The following CHSY3 variants were observed in gnomAD, a reference collection of about 807,000 sequenced individuals.
CHSY3 encodes chondroitin sulfate synthase 3.
CHSY3 carries 35 observed loss-of-function variants against 67.2 expected under a neutral mutation model. The observed-to-expected ratio is 0.52, with a 90% CI of 0.40 to 0.69. CHSY3 has a LOEUF of 0.69. Ranked by LOEUF, CHSY3 falls within the 30% of genes least tolerant of loss-of-function variation. CHSY3 has a pLI of 0.00. For missense variants in CHSY3, 1,069 were observed against 1,138.5 expected (o/e 0.94, Z 0.88); for synonymous variants, 474 against 434.7 (o/e 1.09, Z -1.12).
chr5:129,930,202 T>A (rs994754070), intron 2 of CHSY3, among the ~76,000 whole-genome samples: 1 of 151,716 alleles, frequency 6.6e-6, no homozygotes, highest in Non-Finnish European at 1.5e-5. Flanking sequence ...ACATGGTGGC[T>A]CATGCCTGTA....
intron 2 of CHSY3, among the ~76,000 whole-genome samples, chr5:130,083,363 T>C (rs1249619936): frequency 2.0e-5 from 3 of 152,036 alleles, no homozygotes; most frequent in Non-Finnish European, 4.4e-5. Flanking sequence ...CACTGGATCC[T>C]CTTCTGTTAC....
intron 2 of CHSY3, among the ~76,000 whole-genome samples, chr5:130,003,522 A>C (rs1026529591): frequency 1.2e-4 from 18 of 152,204 alleles, no homozygotes; most frequent in Non-Finnish European, 1.5e-4. Context: ...TCCCAAGCAC[A>C]ATTGTAATTG....
At chr5:130,146,034 A>G (rs752268712) in intron 2 of CHSY3, among the ~76,000 whole-genome samples, 2 of 152,216 alleles carry the variant, frequency 1.3e-5, no homozygotes, top group Non-Finnish European at 2.9e-5. Context: ...TATGGATAAC[A>G]GTATGGAGAT....
intron 2 of CHSY3, among the ~76,000 whole-genome samples, chr5:129,982,355 A>G (rs1052227895): frequency 2.0e-5 from 3 of 152,074 alleles, no homozygotes; most frequent in African/African-American, 4.8e-5. Flanking sequence ...GGTTTTCCTT[A>G]TAATTGCAAA....
intron 2 of CHSY3, among the ~76,000 whole-genome samples, chr5:129,976,639 T>A (rs967442368): frequency 7.9e-5 from 12 of 152,062 alleles, no homozygotes; most frequent in Non-Finnish European, 1.8e-4. Flanking sequence ...GACTTACATA[T>A]ACCTGAAAAG....
chr5:129,938,088 G>C (rs1180306527), intron 2 of CHSY3, among the ~76,000 whole-genome samples: 1 of 152,174 alleles, frequency 6.6e-6, no homozygotes, highest in Non-Finnish European at 1.5e-5. Context: ...CTTGCCCTCT[G>C]TGCACCCAGA....
chr5:130,185,176 G>A lies in CHSY3; in HGVS notation c.2034G>A (p.Gln678=). Residue 678 remains glutamine (Q), a synonymous_variant, in exon 3 of 3, where the codon CAG becomes CAA. Transcript: ENST00000305031. ...ATATTGAGCTGATAAAAGGGTACCAGAACAAGTACCCCAAAGCAGAAATGA... is the reference window on the plus strand; with the variant it reads ...ATATTGAGCTGATAAAAGGGTACCAAAACAAGTACCCCAAAGCAGAAATGA... The part of the protein sequence containing the change: ...SKHIELIKGY[Q]NKYPKAEMTL... 1 of 1,611,442 alleles carries A rather than the reference G, an allele frequency of 6.2e-7. No individual in the cohort carries two copies. The highest frequency in any genetic ancestry group is 8.5e-7 in the Non-Finnish European group (1 of 1,177,630).
At chr5:130,077,037 T>G (rs1489262932) in intron 2 of CHSY3, among the ~76,000 whole-genome samples, 2 of 151,390 alleles carry the variant, frequency 1.3e-5, no homozygotes, top group Non-Finnish European at 2.9e-5. Flanking sequence ...GCATGGCACA[T>G]GTATACATAT....
chr5:129,904,727 C>A lies in CHSY3; in HGVS notation c.-103C>A. Reference sequence around the variant, plus strand: ...CGGCGCCTAGGCGGCCGGCTGCGGCCGCGGCTGGGGGCGCAAAGGCGGAGG... The same window carrying A: ...CGGCGCCTAGGCGGCCGGCTGCGGCAGCGGCTGGGGGCGCAAAGGCGGAGG... On this transcript the variant is annotated 5_prime_UTR_variant, in exon 1 of 3. Coordinates refer to ENST00000305031, the MANE Select transcript of CHSY3 (RefSeq NM_175856.5). 8.1e-7 allele frequency: 1 copy of A among 1,227,904 alleles called. No individual in the cohort carries two copies. Among genetic ancestry groups the A allele is most frequent in the Non-Finnish European group, 1.0e-6 (1 of 985,888 alleles). 76.1% of individuals were successfully genotyped at this position (1,227,904 alleles called of 1,614,324 possible). A position where few individuals can be genotyped will look rare whatever the true frequency, so the allele number is the denominator to read the frequency against.
At chr5:129,986,531 T>C (rs556421595) in intron 2 of CHSY3, among the ~76,000 whole-genome samples, 26 of 152,300 alleles carry the variant, frequency 1.7e-4, no homozygotes, top group African/African-American at 6.0e-4. Flanking sequence ...AGAATGATGC[T>C]GGCCACATAG....
intron 2 of CHSY3, among the ~76,000 whole-genome samples, chr5:130,084,964 A>G (rs1005582491): frequency 2.0e-5 from 3 of 152,030 alleles, no homozygotes; most frequent in Non-Finnish European, 4.4e-5. Context: ...TCACACTTAC[A>G]GAGTCTGTTC....
chr5:129,989,521 T>G (rs1335643266), intron 2 of CHSY3, among the ~76,000 whole-genome samples: 1 of 152,126 alleles, frequency 6.6e-6, no homozygotes, highest in Non-Finnish European at 1.5e-5. Context: ...ACCCAGGCCT[T>G]AACACCTCCC....
In CHSY3 at chr5:129,905,064, G is replaced by T; in HGVS notation, c.235G>T (p.Ala79Ser). The T allele has an allele frequency of 6.5e-7, 1 of 1,546,008 alleles. No homozygotes were observed. Among genetic ancestry groups the T allele is most frequent in the Non-Finnish European group, 8.7e-7 (1 of 1,152,286 alleles). ...RPRQEQSPPP[A>S]RQDLQGPPLP... is the part of the protein sequence containing the mutation. ...ACGGCAGGAGCAGTCGCCGCCCCCC[G>T]CGCGCCAGGATCTCCAGGGGCCACC... Residue 79 changes from alanine to serine, a missense_variant, in exon 1 of 3, where the codon GCG (alanine) becomes TCG (serine). This residue lies in a region of CHSY3 where 309 missense variants were observed against 262.5 expected (regional missense o/e 1.18). Transcript: ENST00000305031.
At chr5:130,065,625 A>C (rs2149679021) in intron 2 of CHSY3, among the ~76,000 whole-genome samples, 1 of 152,226 alleles carries the variant, frequency 6.6e-6, no homozygotes, top group Admixed American at 6.6e-5. Flanking sequence ...TTAGTGATCA[A>C]CTTTACAGCT....
intron 2 of CHSY3, among the ~76,000 whole-genome samples, chr5:130,087,759 G>A: frequency 6.6e-6 from 1 of 151,854 alleles, no homozygotes; most frequent in Non-Finnish European, 1.5e-5. Context: ...TCATGGGTAG[G>A]AAAAATCAAT....
chr5:129,932,688 G>A (rs1259242060), intron 2 of CHSY3, among the ~76,000 whole-genome samples: 1 of 152,094 alleles, frequency 6.6e-6, no homozygotes, highest in Admixed American at 6.6e-5. Context: ...GTGTTTCCCA[G>A]AAAGTTCTTA....
At chr5:130,168,920 G>T (rs1284491048) in intron 2 of CHSY3, among the ~76,000 whole-genome samples, 1 of 152,016 alleles carries the variant, frequency 6.6e-6, no homozygotes, top group African/African-American at 2.4e-5. Flanking sequence ...CATTTTTGTT[G>T]TTGTTGTTGC....
intron 2 of CHSY3, among the ~76,000 whole-genome samples, chr5:130,016,854 A>G (rs1764233005): frequency 6.6e-6 from 1 of 152,234 alleles, no homozygotes; most frequent in Admixed American, 6.5e-5. Context: ...TTTAGTGGCA[A>G]TGGACCCCAC....
In CHSY3 at chr5:129,962,671, C is replaced by A. The variant is rs536690022; in HGVS notation, c.1086+54311C>A. Among the ~76,000 whole-genome samples the A allele has an allele frequency of 4.6e-5, 7 of 152,126 alleles. No individual in the cohort carries two copies. In the South Asian group the frequency reaches 1.2e-3, roughly 27 times the overall value. ...TGCTCTCTGCTCTCTGCTCTCCAAC[C>A]ACCACAGCCTTCTCTAGTCAAGCAA... On this transcript the variant is annotated intron_variant, in intron 2 of 2. Transcript: ENST00000305031.
Sources: allele counts gnomAD v4.1 joint callset (sites outside exome capture counted in the v4.1 genomes callset), GRCh38; gene constraint gnomAD v4.1.1; regional missense constraint gnomAD v4.1.1; transcripts MANE v1.5; gene names NCBI Gene and HGNC (gene_info 2026-07-23, HGNC 2026-07-21).